Variants in ASMTL observed in about 807,000 individuals in gnomAD.
ASMTL encodes probable bifunctional dTTP/UTP pyrophosphatase/methyltransferase protein.
A neutral mutation model predicts 60.3 loss-of-function variants in ASMTL; 57 were observed. The observed-to-expected ratio is 0.95, with a 90% CI of 0.76 to 1.18. The LOEUF (loss-of-function observed/expected upper bound fraction) is 1.18. ASMTL is among the 50% of genes most tolerant of loss of function. ASMTL has a pLI of 0.00. For missense variants in ASMTL, 981 were observed against 852.6 expected (o/e 1.15, Z -1.88); for synonymous variants, 419 against 373.0 (o/e 1.12, Z -1.42).
chrX:1,438,983 A>G (rs1464701410), intron 3 of ASMTL, 114 bp downstream of exon 3: 2 of 1,171,738 alleles, frequency 1.7e-6, no homozygotes, highest in Non-Finnish European at 2.5e-6. Flanking sequence ...GAGTTTCTGG[A>G]AGCGAGTCCA....
intron 1 of ASMTL, among the ~76,000 whole-genome samples, chrX:1,452,432 C>T (rs2091420669): frequency 6.7e-6 from 1 of 150,308 alleles, no homozygotes; most frequent in Non-Finnish European, 1.5e-5. Context: ...CCTAGCGGTC[C>T]TGGGTCACTC....
chrX:1,419,470 G>GA (rs1159976492), intron 9 of ASMTL, among the ~76,000 whole-genome samples: 1 of 152,170 alleles, frequency 6.6e-6, no homozygotes, highest in Non-Finnish European at 1.5e-5. Flanking sequence ...AAAACCAGGA[G>GA]AGAAGCCACA....
At chrX:1,438,231 C>T (rs1262940091) in intron 3 of ASMTL, among the ~76,000 whole-genome samples, 14 of 151,592 alleles carry the variant, frequency 9.2e-5, no homozygotes, top group African/African-American at 3.4e-4. Context: ...CCCGGTGAGC[C>T]GAGATCACGC....
intron 12 of ASMTL, among the ~76,000 whole-genome samples, chrX:1,412,164 G>A (rs767655694): frequency 3.9e-5 from 6 of 152,030 alleles, no homozygotes; most frequent in African/African-American, 9.6e-5. Flanking sequence ...ACAATTTAGC[G>A]GGCCTCTCAC....
At position 1,432,293 on chromosome X, in the gene ASMTL, T is replaced by A; in HGVS notation, c.485A>T (p.Glu162Val). ...CATGGGCTCCCCGCTGTGGACGTAT[T>A]CCCAGAGCAGCTCCTCGGACAGCTC... ...FSELSEELLW[E>V]YVHSGEPMDK... The change falls in exon 6 of 13, where the codon GAA becomes GTA. Residue 162 changes from glutamate to valine, a missense_variant. Physicochemically the swap from Glu to Val is moderately radical, Grantham distance 121. Coordinates refer to ENST00000381317, the MANE Select transcript of ASMTL (RefSeq NM_004192.4). 6.2e-7 allele frequency: 1 copy of A among 1,612,644 alleles called. No homozygotes were observed. Among genetic ancestry groups the A allele is most frequent in the Non-Finnish European group, 8.5e-7 (1 of 1,179,604 alleles).
chrX:1,438,879 G>A (rs1217661142), intron 3 of ASMTL, among the ~76,000 whole-genome samples: 3 of 152,086 alleles, frequency 2.0e-5, no homozygotes, highest in South Asian at 2.1e-4. Context: ...CGCCCACCTC[G>A]GCCTCCCAAA....
chrX:1,432,245 C>A (rs776094252), intron 6 of ASMTL, 24 bp downstream of exon 6: 2 of 1,553,520 alleles, frequency 1.3e-6, no homozygotes, highest in Middle Eastern at 2.1e-4. Flanking sequence ...TGTCCCCCGT[C>A]CCCCCACCGC....
chrX:1,446,500 A>ATTTTT (rs533497088), intron 1 of ASMTL, among the ~76,000 whole-genome samples: 3 of 131,760 alleles, frequency 2.3e-5, no homozygotes, highest in African/African-American at 8.6e-5. Flanking sequence ...ATCTCATGAC[A>ATTTTT]TTTTTTTTTT....
At chrX:1,425,910 G>C (rs2149311356) in intron 7 of ASMTL, among the ~76,000 whole-genome samples, 1 of 152,274 alleles carries the variant, frequency 6.6e-6, no homozygotes. Flanking sequence ...AGAAAAACTA[G>C]CCCATGGGAG....
At chrX:1,435,545 G>A in intron 4 of ASMTL, 149 bp downstream of exon 4, 2 of 749,818 alleles carry the variant, frequency 2.7e-6, no homozygotes, top group Non-Finnish European at 4.7e-6. Flanking sequence ...CTGCCTCCCT[G>A]CATAGCTCAG....
chrX:1,410,283 G>C (rs1405416538), intron 12 of ASMTL, among the ~76,000 whole-genome samples: 222 of 112,708 alleles, frequency 2.0e-3, no homozygotes, highest in Non-Finnish European at 2.4e-3. Context: ...CCAAATGCTG[G>C]TACTCCCAAA....
At chrX:1,441,062 C>A (rs1350855745) in intron 2 of ASMTL, among the ~76,000 whole-genome samples, 1 of 151,880 alleles carries the variant, frequency 6.6e-6, no homozygotes, top group Non-Finnish European at 1.5e-5. Flanking sequence ...CATACAGCAA[C>A]AGATAAACTG....
At chrX:1,404,360 T>C (rs766248327) in intron 12 of ASMTL, among the ~76,000 whole-genome samples, 121 of 150,484 alleles carry the variant, frequency 8.0e-4, no homozygotes, top group Admixed American at 7.8e-3. Flanking sequence ...ATGGATGAGA[T>C]GGATGGGTGA....
chrX:1,413,311 G>A lies in ASMTL; in HGVS notation c.1523-457C>T, dbSNP rs1177590211. Among the ~76,000 whole-genome samples, 10 of 152,120 alleles carry A rather than the reference G, an allele frequency of 6.6e-5. No individual in the cohort carries two copies. In the East Asian group the frequency reaches 1.2e-3, roughly 18 times the overall value. ...TGGGAGGTGGAGGTTGCAGTGAGCC[G>A]AGATCGCGCCATCGCACTCCAGCCT... On this transcript the variant is annotated intron_variant, in intron 11 of 12. Coordinates refer to ENST00000381317, the MANE Select transcript of ASMTL (RefSeq NM_004192.4).
At chrX:1,449,080 T>G (rs1319782899) in intron 1 of ASMTL, among the ~76,000 whole-genome samples, 3 of 152,102 alleles carry the variant, frequency 2.0e-5, no homozygotes, top group Non-Finnish European at 4.4e-5. Context: ...CAGTCAACTT[T>G]GCCTCACAGG....
intron 12 of ASMTL, among the ~76,000 whole-genome samples, chrX:1,404,800 G>A: frequency 6.6e-6 from 1 of 151,766 alleles, no homozygotes; most frequent in South Asian, 2.1e-4. Context: ...TGGATGTATG[G>A]ATGAGATGGA....
chrX:1,447,154 G>C (rs1569534955), intron 1 of ASMTL, among the ~76,000 whole-genome samples: 1 of 152,192 alleles, frequency 6.6e-6, no homozygotes, highest in Admixed American at 6.5e-5. Context: ...CCAGGGCTGT[G>C]TTTGGTGACC....
intron 3 of ASMTL, among the ~76,000 whole-genome samples, chrX:1,438,876 C>T (rs1247959131): frequency 2.6e-5 from 4 of 152,178 alleles, no homozygotes; most frequent in African/African-American, 4.8e-5. Flanking sequence ...ATCCGCCCAC[C>T]TCGGCCTCCC....
chrX:1,447,806 GAC>G (rs769387015), intron 1 of ASMTL, among the ~76,000 whole-genome samples: 52 of 151,198 alleles, frequency 3.4e-4, no homozygotes, highest in African/African-American at 9.5e-4. Flanking sequence ...CACCATCTTG[GAC>G]ACACACAGCT....
Sources: gnomAD v4.1 joint callset for allele counts (sites outside exome capture counted in the v4.1 genomes callset) on GRCh38, gnomAD v4.1.1 for gene constraint, MANE v1.5 for transcripts, NCBI Gene and HGNC (gene_info 2026-07-23, HGNC 2026-07-21) for gene names.